ABCA12: variants seen among roughly 807,000 people sequenced by gnomAD.
ABCA12 encodes the protein ATP binding cassette subfamily A member 12.
A neutral mutation model predicts 293.5 loss-of-function variants in ABCA12; 156 were observed. That is an observed-to-expected ratio of 0.53 (90% CI 0.47 to 0.61). The LOEUF (loss-of-function observed/expected upper bound fraction) is 0.61, where lower values mean the gene tolerates loss of function less well. Among genes scored for constraint, ABCA12 ranks in the 20% least tolerant of loss-of-function variants. The pLI is 0.00. For missense variants in ABCA12, 2,797 were observed against 3,090.2 expected (o/e 0.91, Z 2.25); for synonymous variants, 1,063 against 1,108.0 (o/e 0.96, Z 0.81).
At chr2:215,052,423 C>T in intron 5 of ABCA12, 64 bp downstream of exon 5, 1 of 1,342,584 alleles carries the variant, frequency 7.4e-7, no homozygotes, top group Non-Finnish European at 1.1e-6. Flanking sequence ...TTGAGAGATC[C>T]TTCTATTAAC....
At chr2:214,963,462 T>G (rs1280844367) in intron 39 of ABCA12, among the ~76,000 whole-genome samples, 1 of 151,978 alleles carries the variant, frequency 6.6e-6, no homozygotes, top group Non-Finnish European at 1.5e-5. Flanking sequence ...CCAGATGGAT[T>G]CACAGCTGAA....
intron 8 of ABCA12, among the ~76,000 whole-genome samples, chr2:215,034,527 G>T (rs1199896261): frequency 6.6e-6 from 1 of 152,232 alleles, no homozygotes; most frequent in African/African-American, 2.4e-5. Flanking sequence ...CTCTTCTGAG[G>T]TTAAGCAGGT....
intron 39 of ABCA12, chr2:214,963,311 G>A (rs573592424): frequency 2.6e-5 from 4 of 151,998 alleles, no homozygotes; most frequent in Non-Finnish European, 4.4e-5. Context: ...ACTAGAAAAT[G>A]TAGAAAAAAT....
chr2:214,985,538 G>A (rs775349835), intron 28 of ABCA12, among the ~76,000 whole-genome samples: 56 of 151,974 alleles, frequency 3.7e-4, no homozygotes, highest in Non-Finnish European at 6.2e-4. Flanking sequence ...CTGCACTTGT[G>A]CCCCTGAACT....
intron 19 of ABCA12, 88 bp from the exon 20 acceptor site, chr2:215,004,387 G>C: frequency 1.1e-6 from 1 of 946,746 alleles, no homozygotes; most frequent in South Asian, 1.4e-5. Flanking sequence ...GTGAAGTGCA[G>C]TAACCACAAC....
intron 36 of ABCA12, 51 bp downstream of exon 36, chr2:214,973,898 A>G (rs779027484): frequency 1.2e-5 from 18 of 1,469,154 alleles, no homozygotes; most frequent in Non-Finnish European, 1.6e-5. Context: ...CGAGCTTTCG[A>G]TATTTATTCC....
chr2:215,010,646 CT>C (rs1700352151), intron 17 of ABCA12, among the ~76,000 whole-genome samples, 176 bp from the exon 18 acceptor site: 1 of 152,052 alleles, frequency 6.6e-6, no homozygotes. Flanking sequence ...AGTAACCAAT[CT>C]TTTTTAGGTG....
intron 33 of ABCA12, among the ~76,000 whole-genome samples, chr2:214,977,939 C>G (rs960122094): frequency 1.4e-5 from 2 of 143,466 alleles, no homozygotes; most frequent in Admixed American, 1.5e-4. Context: ...TGTCTAATAA[C>G]AAGGAGTGAA....
intron 7 of ABCA12, among the ~76,000 whole-genome samples, chr2:215,044,835 T>C (rs10191683): frequency 0.14 from 21,949 of 152,166 alleles, 4,784 homozygotes; most frequent in African/African-American, 0.47. Flanking sequence ...GGTCTTTGAA[T>C]AGATATAAGC....
At chr2:215,024,239 T>A (rs547512305) in intron 11 of ABCA12, among the ~76,000 whole-genome samples, 1 of 152,204 alleles carries the variant, frequency 6.6e-6, no homozygotes, top group Non-Finnish European at 1.5e-5. Context: ...TATCCACCTA[T>A]CACAACACTT....
chr2:214,965,464 A>T (rs911375571), intron 39 of ABCA12, among the ~76,000 whole-genome samples: 4 of 152,214 alleles, frequency 2.6e-5, no homozygotes, highest in Non-Finnish European at 4.4e-5. Context: ...GAATGGGAGA[A>T]AAATTTTGCC....
chr2:215,024,866 T>A (rs1472030825), intron 11 of ABCA12, among the ~76,000 whole-genome samples: 2 of 152,182 alleles, frequency 1.3e-5, no homozygotes, highest in East Asian at 3.8e-4. Context: ...ATAACCTGTA[T>A]ACTATATGCA....
At chr2:215,012,900 G>A (rs1181907503) in intron 15 of ABCA12, among the ~76,000 whole-genome samples, 6 of 152,046 alleles carry the variant, frequency 3.9e-5, no homozygotes, top group African/African-American at 1.4e-4. Flanking sequence ...GATATAATAT[G>A]CACCTAAAAA....
At chr2:214,953,698 AAAAT>A (rs1030373403) in intron 44 of ABCA12, among the ~76,000 whole-genome samples, 152 bp downstream of exon 44, 5 of 152,246 alleles carry the variant, frequency 3.3e-5, no homozygotes, top group Non-Finnish European at 7.3e-5. Context: ...TTACTAGAAT[AAAAT>A]AAATAGTGAA....
rs183655176 is a variant in ABCA12, at chr2:215,103,199, G to A, written c.163+8398C>T. Reference sequence around the variant, plus strand: ...TTAGTGCTTAATAGATGCAACAGGCGCCCTTTAAATATGTGATGATGGCAA... The same window carrying A: ...TTAGTGCTTAATAGATGCAACAGGCACCCTTTAAATATGTGATGATGGCAA... On this transcript the variant is annotated intron_variant, in intron 2 of 52. Transcript: ENST00000272895. 4.4e-4 allele frequency among the ~76,000 whole-genome samples: 67 copies of A among 151,334 alleles called. 1 individual carries two copies. Among genetic ancestry groups the A allele is most frequent in the Admixed American group, 2.1e-3 (32 of 15,194 alleles).
intron 2 of ABCA12, among the ~76,000 whole-genome samples, chr2:215,108,509 G>A (rs767563895): frequency 7.2e-5 from 11 of 151,982 alleles, no homozygotes; most frequent in Non-Finnish European, 1.3e-4. Context: ...ACTTATTAAC[G>A]GTACCATCTT....
chr2:214,997,680 T>G lies in ABCA12; in HGVS notation c.3294+15A>C. 1 of 1,543,294 alleles carries G rather than the reference T, an allele frequency of 6.5e-7. No individual in the cohort carries two copies. Reference sequence around the variant, plus strand: ...AACAGGACTTATTCATAACAAGAAGTGATTTTCAACATACCTCATGAAGCC... The same window carrying G: ...AACAGGACTTATTCATAACAAGAAGGGATTTTCAACATACCTCATGAAGCC... On this transcript the variant is annotated intron_variant, in intron 23 of 52. Coordinates refer to ENST00000272895, the MANE Select transcript of ABCA12 (RefSeq NM_173076.3).
intron 2 of ABCA12, among the ~76,000 whole-genome samples, chr2:215,106,748 CAAA>C (rs34394993): frequency 2.6e-4 from 26 of 101,532 alleles, no homozygotes; most frequent in East Asian, 5.6e-4. Context: ...GCTTTGGAGG[CAAA>C]AAAAAAAAAA....
In ABCA12 at chr2:215,138,583, G is replaced by A. The variant is rs752873787; in HGVS notation, c.-375C>T. ...TGAAAAAAAAAAAAAAGCAGCAGCT[G>A]AACCCACACCTCCTACTCTCCATGA... On this transcript the variant is annotated 5_prime_UTR_variant, in exon 1 of 53. Transcript: ENST00000272895. 1.3e-3 allele frequency among the ~76,000 whole-genome samples: 201 copies of A among 150,580 alleles called. 2 individuals are homozygous for A. Among genetic ancestry groups the A allele is most frequent in the Non-Finnish European group, 2.0e-3 (138 of 67,752 alleles).
Sources: gnomAD v4.1 joint callset for allele counts (sites outside exome capture counted in the v4.1 genomes callset) on GRCh38, gnomAD v4.1.1 for gene constraint, MANE v1.5 for transcripts, NCBI Gene and HGNC (gene_info 2026-07-23, HGNC 2026-07-21) for gene names.